PKD1: variants seen among roughly 807,000 people sequenced by gnomAD.
PKD1 encodes polycystin 1, transient receptor potential channel interacting.
PKD1 carries 81 observed loss-of-function variants against 361.7 expected under a neutral mutation model. That is an observed-to-expected ratio of 0.22 (90% CI 0.19 to 0.27). The LOEUF (loss-of-function observed/expected upper bound fraction) is 0.27. PKD1 is among the 10% of genes least tolerant of loss of function. The probability of loss-of-function intolerance (pLI) is 1.00; values close to 1 mark genes in which losing one functional copy is unlikely to be tolerated. For missense variants in PKD1, 6,399 were observed against 6,118.3 expected, an observed-to-expected ratio of 1.05 and a Z score of -1.53; for synonymous variants, 3,615 against 2,818.3, an observed-to-expected ratio of 1.28 and a Z score of -8.95.
chr16:2,127,188 CG>C (rs1159183537), intron 1 of PKD1, among the ~76,000 whole-genome samples: 1 of 152,212 alleles, frequency 6.6e-6, no homozygotes, highest in Non-Finnish European at 1.5e-5. Flanking sequence ...CAGCGGGGTC[CG>C]CACATCAGGG....
In PKD1 at chr16:2,109,052, G is replaced by C. The variant is rs755747732; in HGVS notation, c.6115C>G (p.Gln2039Glu). The change falls in exon 15 of 46, where the codon CAG (glutamine) becomes GAG (glutamate). Residue 2039 changes from glutamine (Q) to glutamate (E), a missense_variant. By Grantham distance (29) the Gln-to-Glu change is conservative (BLOSUM62 2). Transcript: ENST00000262304. ...TPVAAGLLEI[Q>E]VRAFNALGSE... ...CCCAGGGCGTTGAAGGCGCGCACCT[G>C]GATCTCCAACAGCCCCGCGGCCACG... 1.2e-6 allele frequency: 2 copies of C among 1,607,298 alleles called. No individual in the cohort carries two copies. The highest frequency in any genetic ancestry group is 1.7e-6 in the Non-Finnish European group (2 of 1,176,422).
rs1444785019 is a variant in PKD1, at chr16:2,105,343, A to G, written c.7995T>C (p.Ala2665=). The G allele has an allele frequency of 6.3e-7, 1 of 1,593,352 alleles. No homozygotes were observed. Among genetic ancestry groups the G allele is most frequent in the South Asian group, 1.1e-5 (1 of 90,970 alleles). ...VHTVDDIQQI[A]AALAQCMGPS... ...CTACCATGCACTGGGCCAGCGCAGC[A>G]GCGATCTGCTGGATGTCATCCACAG... Residue 2665 remains alanine, a synonymous_variant, in exon 21 of 46, where the codon GCT becomes GCC. Coordinates refer to ENST00000262304, the MANE Select transcript of PKD1 (RefSeq NM_001009944.3).
rs746367897 is a variant in PKD1, at chr16:2,106,337, G to T, written c.7490-33C>A. 6.2e-7 allele frequency: 1 copy of T among 1,600,700 alleles called. No individual in the cohort carries two copies. The highest frequency in any genetic ancestry group is 8.5e-7 in the Non-Finnish European group (1 of 1,172,136). On this transcript the variant is annotated intron_variant, in intron 18 of 45. Coordinates refer to ENST00000262304, the MANE Select transcript of PKD1 (RefSeq NM_001009944.3). This position sits in a 1 kb window ranked among gnomAD's most constrained non-coding sequence, Gnocchi z 6.5. The stretch of plus-strand genomic sequence containing the variant: ...ACGGTCCCCACGGCATCACGGGAGG[G>T]CTCCGTGACGTCACAGAGTCGGGGG...
Position 2,088,727 on chromosome 16 carries a change from T to A in PKD1, c.*1000A>T. On this transcript the variant is annotated 3_prime_UTR_variant, in exon 46 of 46. Transcript: ENST00000262304. ...CACAGATTGCAGTCAGACAGCTCTTTTATTGACTTTGTCTGCTTGGTGCGG... is the reference window on the plus strand; with the variant it reads ...CACAGATTGCAGTCAGACAGCTCTTATATTGACTTTGTCTGCTTGGTGCGG... 7.2e-7 allele frequency: 1 copy of A among 1,387,338 alleles called. No homozygotes were observed. The highest frequency in any genetic ancestry group is 2.0e-4 in the Middle Eastern group (1 of 5,100). The allele number at this position is 1,387,338 out of a possible 1,614,324, so 85.9% of individuals were successfully genotyped here. A position where few individuals can be genotyped will look rare whatever the true frequency, so the allele number is the denominator to read the frequency against.
chr16:2,101,410 G>A (rs982084084), intron 26 of PKD1, among the ~76,000 whole-genome samples: 2 of 152,174 alleles, frequency 1.3e-5, no homozygotes, highest in Admixed American at 1.3e-4. Flanking sequence ...CACTCTGGCA[G>A]GCCGAGGCAG....
chr16:2,091,670 G>A, intron 41 of PKD1, 73 bp from the exon 42 acceptor site: 4 of 1,559,882 alleles, frequency 2.6e-6, no homozygotes, highest in South Asian at 1.2e-5. Context: ...GTGCAGGCGT[G>A]GCTGAGGGGC....
In PKD1 at chr16:2,135,882, C is replaced by G. The variant is rs1238266113; in HGVS notation, c.-193G>C. 2 of 216,728 alleles carry G rather than the reference C, an allele frequency of 9.2e-6. No homozygotes were observed. Among genetic ancestry groups the G allele is most frequent in the Admixed American group, 1.3e-4 (2 of 15,128 alleles). 13.4% of individuals were successfully genotyped at this position (216,728 alleles called of 1,614,324 possible). On this transcript the variant is annotated 5_prime_UTR_variant, in exon 1 of 46. Transcript: ENST00000262304. ...CCGGGAGCTCGGCCGCCCGCTCGGACGCTGGCGCTGCAGTGCGGGCCCCGC... is the reference window on the plus strand; with the variant it reads ...CCGGGAGCTCGGCCGCCCGCTCGGAGGCTGGCGCTGCAGTGCGGGCCCCGC...
intron 9 of PKD1, 135 bp downstream of exon 9, chr16:2,115,857 C>T (rs2092624768): frequency 2.7e-6 from 3 of 1,108,948 alleles, no homozygotes; most frequent in Non-Finnish European, 2.6e-6. Flanking sequence ...GCTGGTGTCT[C>T]TGGAACCCCT....
rs200899577 is a variant in PKD1, at chr16:2,097,323, T to C, written c.10401A>G (p.Ala3467=). 7.4e-6 allele frequency: 12 copies of C among 1,612,920 alleles called. No individual in the cohort carries two copies. The Admixed American group carries it at 2.0e-4, about 27-fold the overall frequency. Residue 3467 remains alanine (A), a synonymous_variant, in exon 33 of 46, where the codon GCA becomes GCG. Transcript: ENST00000262304. ...SPYSPAKSFS[A]SDEDLIQQVL... ...CCTCCTCTCACCCCAGCTCACCTGA[T>C]GCTGAGAAGGATTTGGCAGGCGAGT...
In PKD1 at chr16:2,111,528, G is replaced by A. The variant is rs1248559986; in HGVS notation, c.3639C>T (p.Arg1213=). Residue 1213 remains arginine, a synonymous_variant, in exon 15 of 46, where the codon CGC becomes CGT. Coordinates refer to ENST00000262304, the MANE Select transcript of PKD1 (RefSeq NM_001009944.3). The part of the protein sequence containing the change: ...QADVRVFEEL[R]GLSVDMSLAV... ...CCAGGCTCATGTCCACGCTGAGTCC[G>A]CGGAGCTCCTCAAAGACGCGCACAT... The A allele has an allele frequency of 2.5e-6, 4 of 1,606,220 alleles. No homozygotes were observed. The highest frequency in any genetic ancestry group is 3.4e-6 in the Non-Finnish European group (4 of 1,177,268).
chr16:2,120,747 G>A (rs1456684723), intron 1 of PKD1, among the ~76,000 whole-genome samples: 2 of 152,034 alleles, frequency 1.3e-5, no homozygotes, highest in African/African-American at 2.4e-5. Flanking sequence ...GGCCGGGCAC[G>A]GTGGCTCACT....
rs189817409 is a variant in PKD1 at position 2,106,977 on chromosome 16, A to C, written c.7066-29T>G. ...GCGTGGGAGTGGGGTTACCTCCAAC[A>C]CAGGTCTATTTGGCCTGCTGGAAGG... On this transcript the variant is annotated intron_variant, in intron 16 of 45. Coordinates refer to ENST00000262304, the MANE Select transcript of PKD1 (RefSeq NM_001009944.3). This position sits in a 1 kb window ranked among gnomAD's most constrained non-coding sequence, Gnocchi z 6.5. 40 of 1,576,502 alleles carry C rather than the reference A, an allele frequency of 2.5e-5. No homozygotes were observed. The highest frequency in any genetic ancestry group is 8.3e-5 in the Admixed American group (5 of 59,940).
At chr16:2,092,346 GAGA>G in intron 39 of PKD1, 131 bp downstream of exon 39, 1 of 997,798 alleles carries the variant, frequency 1.0e-6, no homozygotes, top group Non-Finnish European at 1.5e-6. Flanking sequence ...CTCATATACA[GAGA>G]AGGAAACGGC....
Position 2,110,332 on chromosome 16 carries a change from G to C in PKD1, c.4835C>G (p.Thr1612Arg). ...RSVGTFNIIV[T>R]AENEVGSAQD... ...GGCGGAGCCCACCTCGTTCTCAGCC[G>C]TGACGATGATATTGAAGGTGCCCAC... The change falls in exon 15 of 46, where the codon ACG becomes AGG. Residue 1612 changes from threonine to arginine, a missense_variant. Transcript: ENST00000262304. 6.2e-7 allele frequency: 1 copy of C among 1,612,668 alleles called. No homozygotes were observed. Among genetic ancestry groups the C allele is most frequent in the South Asian group, 1.1e-5 (1 of 91,084 alleles).
At position 2,092,154 on chromosome 16, in the gene PKD1, G is replaced by A. The variant is rs1596482936; in HGVS notation, c.11304C>T (p.His3768=). The A allele has an allele frequency of 1.2e-6, 2 of 1,612,014 alleles. No individual in the cohort carries two copies. Among genetic ancestry groups the A allele is most frequent in the Non-Finnish European group, 1.7e-6 (2 of 1,179,676 alleles). ...LYPDPPGPRV[H]TCSAAGGFST... ...TGAAGCCTCCTGCGGCCGAGCACGT[G>A]TGGACCCTGGGGCCGGGAGGGTCTG... is the stretch of plus-strand genomic sequence containing the variant. Residue 3768 remains histidine (H), a synonymous_variant, in exon 40 of 46, where the codon CAC becomes CAT. Coordinates refer to ENST00000262304, the MANE Select transcript of PKD1 (RefSeq NM_001009944.3).
Position 2,113,176 on chromosome 16 carries a change from C to G in PKD1, c.2970G>C (p.Ala990=). The G allele has an allele frequency of 1.9e-6, 2 of 1,032,736 alleles. No homozygotes were observed. Among genetic ancestry groups the G allele is most frequent in the South Asian group, 2.5e-5 (2 of 79,750 alleles). 64.0% of individuals were successfully genotyped at this position (1,032,736 alleles called of 1,614,324 possible). A position where few individuals can be genotyped will look rare whatever the true frequency, so the allele number is the denominator to read the frequency against. ...GCCCACCTACTGAGAGCTTGAAGACCGCCGCGCTCTGATAAATGACATTGA... is the reference window on the plus strand; with the variant it reads ...GCCCACCTACTGAGAGCTTGAAGACGGCCGCGCTCTGATAAATGACATTGA... ...VVFNVIYQSA[A]VFKLSLTASN... is the part of the protein sequence containing the mutation. The change falls in exon 12 of 46, where the codon GCG becomes GCC. Residue 990 remains alanine (A), a synonymous_variant. Transcript: ENST00000262304.
At chr16:2,103,008 G>A in intron 23 of PKD1, 38 bp from the exon 24 acceptor site, 1 of 1,596,922 alleles carries the variant, frequency 6.3e-7, no homozygotes, top group Non-Finnish European at 8.5e-7. Flanking sequence ...CTGCCGGGAA[G>A]CTCAACCACC....
In PKD1 at chr16:2,106,526, G is replaced by C. The variant is rs751740953; in HGVS notation, c.7361C>G (p.Ser2454Cys). The C allele has an allele frequency of 1.3e-6, 2 of 1,596,004 alleles. No homozygotes were observed. Among genetic ancestry groups the C allele is most frequent in the Non-Finnish European group, 1.7e-6 (2 of 1,179,008 alleles). The change falls in exon 18 of 46, where the codon TCT becomes TGT. Residue 2454 changes from serine (S) to cysteine (C), a missense_variant. Coordinates refer to ENST00000262304, the MANE Select transcript of PKD1 (RefSeq NM_001009944.3). This position sits in a 1 kb window ranked among gnomAD's most constrained non-coding sequence, Gnocchi z 6.5. ...GGAGGCGCAGCCCTCCTCCTCGCCA[G>C]AGCGGCCCAGCACCGTGAGCGTGAA... Reference protein sequence around the residue: ...YTFTLTVLGRSGEEEGCASIR... With the variant: ...YTFTLTVLGRCGEEEGCASIR...
chr16:2,125,960 G>C (rs2092793598), intron 1 of PKD1, among the ~76,000 whole-genome samples: 1 of 152,150 alleles, frequency 6.6e-6, no homozygotes, highest in South Asian at 2.1e-4. Flanking sequence ...CAGCCAGCAG[G>C]GTCCAGTGTG....
Sources: gnomAD v4.1 joint callset for allele counts (sites outside exome capture counted in the v4.1 genomes callset) on GRCh38, gnomAD v4.1.1 for gene constraint, Gnocchi (gnomAD v3.1) non-coding constraint, MANE v1.5 for transcripts, NCBI Gene and HGNC (gene_info 2026-07-23, HGNC 2026-07-21) for gene names.